Variants in TP53BP2 observed in about 807,000 individuals in gnomAD.
The protein encoded by TP53BP2 is tumor protein p53 binding protein 2, also known as apoptosis-stimulating of p53 protein 2.
In TP53BP2, 62 loss-of-function variants were observed where a neutral mutation model predicts 126.2. The observed-to-expected ratio is 0.49, with a 90% CI of 0.40 to 0.61. The LOEUF is 0.61. Ranked by LOEUF, TP53BP2 falls within the 20% of genes least tolerant of loss-of-function variation. The pLI is 0.00. For missense variants in TP53BP2, 1,215 were observed against 1,402.8 expected, an observed-to-expected ratio of 0.87 and a Z score of 2.14; for synonymous variants, 485 against 502.9, an observed-to-expected ratio of 0.96 and a Z score of 0.48.
chr1:223,835,160 A>G (rs1034612814), intron 1 of TP53BP2, among the ~76,000 whole-genome samples: 5 of 152,258 alleles, frequency 3.3e-5, no homozygotes, highest in Admixed American at 1.3e-4. Context: ...CTGAAGCATC[A>G]AGAAATGTTT....
At chr1:223,787,556 G>T (rs1183463714) in intron 16 of TP53BP2, among the ~76,000 whole-genome samples, 3 of 151,652 alleles carry the variant, frequency 2.0e-5, no homozygotes, top group Non-Finnish European at 4.4e-5. Flanking sequence ...ACTAGCCTGG[G>T]CAACAGACTG....
chr1:223,786,432 T>C (rs1318372392), intron 16 of TP53BP2, among the ~76,000 whole-genome samples: 2 of 152,192 alleles, frequency 1.3e-5, no homozygotes, highest in African/African-American at 2.4e-5. Context: ...ATCTATGATA[T>C]ACTTCATAAA....
chr1:223,817,728 C>T (rs1025194877), intron 2 of TP53BP2, among the ~76,000 whole-genome samples: 1 of 151,924 alleles, frequency 6.6e-6, no homozygotes, highest in African/African-American at 2.4e-5. Flanking sequence ...GAGTTCAAAA[C>T]CAGCCTGGCC....
In TP53BP2 at chr1:223,780,703, A is replaced by G. The variant is rs1571830126; in HGVS notation, c.*150T>C. The G allele has an allele frequency of 8.2e-6, 6 of 733,202 alleles. No homozygotes were observed. Among genetic ancestry groups the G allele is most frequent in the Non-Finnish European group, 1.3e-5 (6 of 449,638 alleles). The allele number at this position is 733,202 out of a possible 1,614,324, so 45.4% of individuals were successfully genotyped here. On this transcript the variant is annotated 3_prime_UTR_variant, in exon 18 of 18. Coordinates refer to ENST00000343537, the MANE Select transcript of TP53BP2 (RefSeq NM_001031685.3). ...ATGTCCTCTAATGGTGAATTCTTCA[A>G]TCCTTCATTCTCTTCTAGAGACATT... is the stretch of plus-strand genomic sequence containing the variant.
intron 5 of TP53BP2, among the ~76,000 whole-genome samples, chr1:223,805,828 C>T (rs1571854064): frequency 6.6e-6 from 1 of 152,292 alleles, no homozygotes; most frequent in East Asian, 1.9e-4. Flanking sequence ...TGGGACACAA[C>T]CACACCATCT....
intron 5 of TP53BP2, 105 bp from the exon 6 acceptor site, chr1:223,804,453 G>A: frequency 1.9e-6 from 2 of 1,036,692 alleles, no homozygotes; most frequent in Middle Eastern, 5.5e-4. Flanking sequence ...AGGTACACTT[G>A]TAACCCTGGT....
intron 7 of TP53BP2, 33 bp downstream of exon 7, chr1:223,803,238 T>C (rs1301915099): frequency 5.7e-6 from 9 of 1,575,036 alleles, no homozygotes; most frequent in Non-Finnish European, 6.9e-6. Context: ...GGAAAGGAGG[T>C]TGTACAGCTT....
rs747461068 is a variant in TP53BP2, at chr1:223,796,483, GCT to G, written c.2054_2055del (p.Glu685AlafsTer10). The G allele has an allele frequency of 1.2e-6, 2 of 1,613,986 alleles. No homozygotes were observed. Among genetic ancestry groups the G allele is most frequent in the African/African-American group, 1.3e-5 (1 of 74,896 alleles). ...TGGTTCTCCTGAACTGAAGAAACAGGCTCTGTTTCAGGTTCTGGACTGCCAGG... is the reference window on the plus strand; with the variant it reads ...TGGTTCTCCTGAACTGAAGAAACAGGCTGTTTCAGGTTCTGGACTGCCAGG... ...GKPGSPEPET[E>X]PVSSVQENHE... On this transcript the variant is annotated frameshift_variant, in exon 13 of 18. Transcript: ENST00000343537. LOFTEE classifies it high-confidence loss of function. The surrounding 1 kb of genome is among the most constrained non-coding windows in gnomAD (Gnocchi z 4.2).
Position 223,798,401 on chromosome 1 carries a change from C to G in TP53BP2, c.1762G>C (p.Val588Leu). The part of the protein sequence containing the change: ...SKQESPPAAA[V>L]RPFTPQPSKD... ...GAAGGCTGGGGAGTAAAGGGCCGGACGGCAGCAGCAGGTGGACTTTCTTGC... is the reference window on the plus strand; with the variant it reads ...GAAGGCTGGGGAGTAAAGGGCCGGAGGGCAGCAGCAGGTGGACTTTCTTGC... The change falls in exon 12 of 18, where the codon GTC becomes CTC. Residue 588 changes from valine to leucine, a missense_variant. Physicochemically the swap from Val to Leu is conservative, Grantham distance 32. Coordinates refer to ENST00000343537, the MANE Select transcript of TP53BP2 (RefSeq NM_001031685.3). 6.2e-7 allele frequency: 1 copy of G among 1,614,138 alleles called. No homozygotes were observed. Among genetic ancestry groups the G allele is most frequent in the Non-Finnish European group, 8.5e-7 (1 of 1,180,026 alleles).
chr1:223,780,713 C>A lies in TP53BP2; in HGVS notation c.*140G>T. ...ATGGTGAATTCTTCAATCCTTCATT[C>A]TCTTCTAGAGACATTCTTCATCGCT... On this transcript the variant is annotated 3_prime_UTR_variant, in exon 18 of 18. Transcript: ENST00000343537. The A allele has an allele frequency of 1.3e-6, 1 of 771,474 alleles. No individual in the cohort carries two copies. The highest frequency in any genetic ancestry group is 2.1e-6 in the Non-Finnish European group (1 of 481,140). The allele number at this position is 771,474 out of a possible 1,614,324, so 47.8% of individuals were successfully genotyped here.
Position 223,779,936 on chromosome 1 carries a change from T to C in TP53BP2, c.*917A>G, listed in dbSNP as rs540979310. 33 of 152,352 alleles carry C rather than the reference T, an allele frequency of 2.2e-4. No individual in the cohort carries two copies. The highest frequency in any genetic ancestry group is 7.5e-4 in the African/African-American group (31 of 41,588). 9.4% of individuals were successfully genotyped at this position (152,352 alleles called of 1,614,324 possible). A position where few individuals can be genotyped will look rare whatever the true frequency, so the allele number is the denominator to read the frequency against. On this transcript the variant is annotated 3_prime_UTR_variant, in exon 18 of 18. Transcript: ENST00000343537. ...TATTTTATTTTAAAAACCACTTACA[T>C]TGAATCACTTAGCTGGTAAAAAACT...
intron 15 of TP53BP2, 53 bp downstream of exon 15, chr1:223,792,336 A>T: frequency 6.4e-7 from 1 of 1,554,368 alleles, no homozygotes; most frequent in Middle Eastern, 1.7e-4. Flanking sequence ...ACAACTGCTT[A>T]TAAACCGATT....
chr1:223,823,593 C>T (rs1422772110), intron 1 of TP53BP2, among the ~76,000 whole-genome samples: 6 of 152,212 alleles, frequency 3.9e-5, no homozygotes, highest in Admixed American at 3.3e-4. Context: ...ATTTTGACTA[C>T]ATAAAGGTAC....
At chr1:223,807,608 A>G (rs973898798) in intron 4 of TP53BP2, among the ~76,000 whole-genome samples, 4 of 151,362 alleles carry the variant, frequency 2.6e-5, no homozygotes, top group Non-Finnish European at 5.9e-5. Context: ...GCAAGACTGC[A>G]GGATTAAAAA....
intron 1 of TP53BP2, among the ~76,000 whole-genome samples, chr1:223,821,978 G>A (rs1055703374): frequency 1.3e-5 from 2 of 151,006 alleles, no homozygotes; most frequent in Admixed American, 6.6e-5. Flanking sequence ...TGCAACATCC[G>A]CCTCCCGAGT....
intron 2 of TP53BP2, among the ~76,000 whole-genome samples, chr1:223,815,124 AT>A (rs1663042915): frequency 6.6e-6 from 1 of 152,234 alleles, no homozygotes; most frequent in African/African-American, 2.4e-5. Context: ...TAATGTCAAC[AT>A]GATTTTTAAA....
At chr1:223,842,327 G>A (rs1432498022) in intron 1 of TP53BP2, among the ~76,000 whole-genome samples, 1 of 152,196 alleles carries the variant, frequency 6.6e-6, no homozygotes, top group East Asian at 1.9e-4. Flanking sequence ...CAGGCATGTG[G>A]CTATTTAAAT....
At chr1:223,792,208 T>C (rs746167849) in intron 15 of TP53BP2, among the ~76,000 whole-genome samples, 181 bp downstream of exon 15, 3 of 152,218 alleles carry the variant, frequency 2.0e-5, no homozygotes, top group Non-Finnish European at 2.9e-5. Flanking sequence ...GGGAATGAGA[T>C]GACTGTTACA....
chr1:223,798,434 C>G lies in TP53BP2; in HGVS notation c.1729G>C (p.Gly577Arg), dbSNP rs1353011164. The change falls in exon 12 of 18, where the codon GGT becomes CGT. Residue 577 changes from glycine to arginine, a missense_variant. Coordinates refer to ENST00000343537, the MANE Select transcript of TP53BP2 (RefSeq NM_001031685.3). ...SVGQDQTLSP[G>R]SKQESPPAAA... is the part of the protein sequence containing the mutation. ...GCAGGTGGACTTTCTTGCTTAGAACCTGGAGAAAGGGTCTGGTCTTGGCCA... is the reference window on the plus strand; with the variant it reads ...GCAGGTGGACTTTCTTGCTTAGAACGTGGAGAAAGGGTCTGGTCTTGGCCA... 2 of 1,614,134 alleles carry G rather than the reference C, an allele frequency of 1.2e-6. No individual in the cohort carries two copies.
Sources: allele counts gnomAD v4.1 joint callset (sites outside exome capture counted in the v4.1 genomes callset), GRCh38; gene constraint gnomAD v4.1.1; non-coding constraint Gnocchi (gnomAD v3.1); transcripts MANE v1.5; gene names NCBI Gene and HGNC (gene_info 2026-07-23, HGNC 2026-07-21).